The following MICAL3 variants were observed in gnomAD, a reference collection of about 807,000 sequenced individuals.
MICAL3 encodes [F-actin]-monooxygenase MICAL3.
A neutral mutation model predicts 207.4 loss-of-function variants in MICAL3; 62 were observed. The ratio of observed to expected loss-of-function variants is 0.30; its 90% CI spans 0.24 to 0.37. MICAL3 has a LOEUF of 0.37. MICAL3 is among the 10% of genes least tolerant of loss of function. The pLI is 1.00. For synonymous variants in MICAL3, 1,077 were observed against 1,069.3 expected (o/e 1.01, Z -0.14); for missense variants, 2,368 against 2,635.6 (o/e 0.90, Z 2.22).
chr22:17,810,258 T>C (rs1286954544), intron 28 of MICAL3, among the ~76,000 whole-genome samples: 22 of 151,706 alleles, frequency 1.5e-4, no homozygotes, highest in Non-Finnish European at 2.2e-4. Context: ...GAGACGGGGG[T>C]TTCACCGTGT....
chr22:18,018,958 G>A (rs1348365649), intron 1 of MICAL3, among the ~76,000 whole-genome samples: 3 of 151,970 alleles, frequency 2.0e-5, no homozygotes, highest in East Asian at 3.9e-4. Context: ...TTGGGAGGCC[G>A]AGGAGGGTGG....
At chr22:17,794,455 G>C (rs1341407381) in intron 29 of MICAL3, among the ~76,000 whole-genome samples, 1 of 152,260 alleles carries the variant, frequency 6.6e-6, no homozygotes, top group Admixed American at 6.5e-5. Context: ...GAGTCTGTGG[G>C]GGCAGCACGC....
rs530501739 is a variant in MICAL3 at position 17,982,129 on chromosome 22, T to C, written c.-75+42152A>G. Among the ~76,000 whole-genome samples the C allele has an allele frequency of 1.7e-4, 25 of 151,510 alleles. No individual in the cohort carries two copies. In the South Asian group the frequency reaches 5.2e-3, roughly 32 times the overall value. On this transcript the variant is annotated intron_variant, in intron 1 of 31. Coordinates refer to ENST00000441493, the MANE Select transcript of MICAL3 (RefSeq NM_015241.3). ...CAAAAAATAAAAAAAAAAAAATTAATAAGAGGCTAAGAGCTGGCTCTGGTA... is the reference window on the plus strand; with the variant it reads ...CAAAAAATAAAAAAAAAAAAATTAACAAGAGGCTAAGAGCTGGCTCTGGTA...
intron 12 of MICAL3, 76 bp from the exon 13 acceptor site, chr22:17,889,306 T>G: frequency 9.3e-7 from 1 of 1,079,602 alleles, no homozygotes; most frequent in East Asian, 2.4e-5. Context: ...CCTGGAGTCA[T>G]CGTCCTTTCT....
Position 17,871,843 on chromosome 22 carries a change from C to T in MICAL3, c.2422G>A (p.Glu808Lys), listed in dbSNP as rs758319774. 13 of 1,603,302 alleles carry T rather than the reference C, an allele frequency of 8.1e-6. No individual in the cohort carries two copies. The South Asian group carries it at 1.0e-4, about 13-fold the overall frequency. Residue 808 changes from glutamate to lysine, a missense_variant, in exon 17 of 32, where the codon GAG (glutamate) becomes AAG (lysine). Glu to Lys is a moderately conservative substitution (Grantham distance 56). Transcript: ENST00000441493. ...GAGGCGCAGGGTGTCTCACCATCCT[C>T]GATGTCGTAGGCGTAGGCCGAGAGG... is the stretch of plus-strand genomic sequence containing the variant. ...LRLSAYAYDI[E>K]DGKFYCKPHY...
chr22:17,969,185 G>A (rs1412132997), intron 1 of MICAL3, among the ~76,000 whole-genome samples: 4 of 152,016 alleles, frequency 2.6e-5, no homozygotes, highest in Non-Finnish European at 4.4e-5. Context: ...GATTACAGGC[G>A]TCCGCCACCA....
intron 1 of MICAL3, among the ~76,000 whole-genome samples, chr22:17,930,017 G>A (rs1291334718): frequency 6.6e-6 from 1 of 152,192 alleles, no homozygotes; most frequent in Non-Finnish European, 1.5e-5. Flanking sequence ...CAGAAGATTT[G>A]ATCAGGCATA....
chr22:17,803,920 C>T, intron 29 of MICAL3: 3 of 765,996 alleles, frequency 3.9e-6, no homozygotes, highest in Non-Finnish European at 4.8e-6. Context: ...CCTGTCCCCC[C>T]ATACCCAATC....
chr22:17,991,693 C>G (rs1322460698), intron 1 of MICAL3, among the ~76,000 whole-genome samples: 2 of 152,112 alleles, frequency 1.3e-5, no homozygotes, highest in Non-Finnish European at 2.9e-5. Flanking sequence ...TGGACCTGAT[C>G]AAATGGAACC....
intron 27 of MICAL3, chr22:17,812,472 G>A: frequency 3.1e-6 from 3 of 980,822 alleles, no homozygotes; most frequent in Non-Finnish European, 3.6e-6. Flanking sequence ...AGACATGCAT[G>A]CAACGGTGAC....
At chr22:17,921,761 T>C (rs1238592024) in intron 1 of MICAL3, among the ~76,000 whole-genome samples, 1 of 152,036 alleles carries the variant, frequency 6.6e-6, no homozygotes, top group Non-Finnish European at 1.5e-5. Flanking sequence ...AGTGCTGGGA[T>C]TACAGGTATG....
intron 1 of MICAL3, among the ~76,000 whole-genome samples, chr22:17,927,847 A>C (rs1254162464): frequency 6.6e-6 from 1 of 151,820 alleles, no homozygotes; most frequent in Non-Finnish European, 1.5e-5. Flanking sequence ...CTACACCCAG[A>C]TCTTACCTCT....
intron 16 of MICAL3, among the ~76,000 whole-genome samples, chr22:17,883,841 G>C (rs1033674952): frequency 7.9e-5 from 12 of 152,044 alleles, no homozygotes; most frequent in Non-Finnish European, 1.6e-4. Flanking sequence ...CTATTTTCCT[G>C]GATAACATTC....
At chr22:17,806,452 G>GAA (rs200221858) in intron 29 of MICAL3, among the ~76,000 whole-genome samples, 5 of 107,240 alleles carry the variant, frequency 4.7e-5, no homozygotes, top group Non-Finnish European at 4.0e-5. Flanking sequence ...TCCAACTGTG[G>GAA]AAAAAAAAAA....
intron 21 of MICAL3, among the ~76,000 whole-genome samples, chr22:17,829,209 C>A (rs1424018961): frequency 1.3e-5 from 2 of 150,724 alleles, no homozygotes; most frequent in Non-Finnish European, 2.9e-5. Flanking sequence ...TCTTGTTGCC[C>A]AGGCTAGAGT....
rs187452240 is a variant in MICAL3, at chr22:17,861,759, A to G, written c.2605+3140T>C. On this transcript the variant is annotated intron_variant, in intron 19 of 31. Coordinates refer to ENST00000441493, the MANE Select transcript of MICAL3 (RefSeq NM_015241.3). ...AGCATTCATAGATTTAAGAACAAAA[A>G]AGAGGATTTCTATATTAAAAGCACA... is the stretch of plus-strand genomic sequence containing the variant. The G allele has an allele frequency of 1.4e-4, 136 of 985,430 alleles. No homozygotes were observed. In the African/African-American group the frequency reaches 2.1e-3, roughly 15 times the overall value. The allele number at this position is 985,430 out of a possible 1,614,324, so 61.0% of individuals were successfully genotyped here. A position where few individuals can be genotyped will look rare whatever the true frequency, so the allele number is the denominator to read the frequency against.
chr22:17,961,964 C>A (rs1388821645), intron 1 of MICAL3, among the ~76,000 whole-genome samples: 1 of 152,178 alleles, frequency 6.6e-6, no homozygotes, highest in Non-Finnish European at 1.5e-5. Flanking sequence ...TAGGCAAATC[C>A]ATACAACCTA....
At chr22:17,864,154 C>T in intron 19 of MICAL3, 1 of 988,980 alleles carries the variant, frequency 1.0e-6, no homozygotes. Flanking sequence ...GGCCTGGTAC[C>T]CACAAACCCT....
Position 17,793,665 on chromosome 22 carries a change from G to GT in MICAL3, c.5651-2365dup, listed in dbSNP as rs1167861932. 1 of 152,402 alleles carries GT rather than the reference G, an allele frequency of 6.6e-6. No individual in the cohort carries two copies. The highest frequency in any genetic ancestry group is 1.5e-5 in the Non-Finnish European group (1 of 68,116). The allele number at this position is 152,402 out of a possible 1,614,324, so 9.4% of individuals were successfully genotyped here. On this transcript the variant is annotated intron_variant, in intron 29 of 31. Transcript: ENST00000441493. The surrounding 1 kb of genome is among the most constrained non-coding windows in gnomAD (Gnocchi z 4.1). ...AGAGGTAGGTGGGTTCTGGCTCTGT[G>GT]TTTGACTAGTGTTGCTACACCCCCT...
Sources: allele counts gnomAD v4.1 joint callset (sites outside exome capture counted in the v4.1 genomes callset), GRCh38; gene constraint gnomAD v4.1.1; non-coding constraint Gnocchi (gnomAD v3.1); transcripts MANE v1.5; gene names NCBI Gene and HGNC (gene_info 2026-07-23, HGNC 2026-07-21).